MIPEP: variants seen among roughly 807,000 people sequenced by gnomAD.
MIPEP encodes mitochondrial intermediate peptidase.
In MIPEP, 79 loss-of-function variants were observed where a neutral mutation model predicts 90.3. That is an observed-to-expected ratio of 0.87 (90% confidence interval 0.73 to 1.05). The LOEUF is 1.05. Ranked by LOEUF, MIPEP falls within the 50% of genes least tolerant of loss-of-function variation. The pLI is 0.00. For synonymous variants in MIPEP, 334 were observed against 315.8 expected (o/e 1.06, Z -0.61); for missense variants, 940 against 905.6 (o/e 1.04, Z -0.49).
chr13:23,879,479 A>G, intron 3 of MIPEP, 125 bp from the exon 4 acceptor site: 2 of 604,084 alleles, frequency 3.3e-6, no homozygotes, highest in South Asian at 4.1e-5. Context: ...ATAACCTACC[A>G]GGAACAGTGT....
rs758814905 is a variant in MIPEP, at chr13:23,870,081, G to T, written c.718C>A (p.Arg240Ser). Residue 240 changes from arginine to serine, a missense_variant, in exon 6 of 19, where the codon CGT (arginine) becomes AGT (serine). Physicochemically the swap from Arg to Ser is moderately radical, Grantham distance 110. Coordinates refer to ENST00000382172, the MANE Select transcript of MIPEP (RefSeq NM_005932.4). ...TGATCCCCAGCAGATGTAAAGTTAC[G>T]ACGAATGTGTTCTGGTAAGAGATGC... is the stretch of plus-strand genomic sequence containing the variant. ...EKHLLPEHIR[R>S]NFTSAGDHII... 6.2e-7 allele frequency: 1 copy of T among 1,612,814 alleles called. No individual in the cohort carries two copies. The highest frequency in any genetic ancestry group is 1.7e-5 in the Admixed American group (1 of 59,840).
At chr13:23,808,456 C>T (rs1002791750) in intron 15 of MIPEP, among the ~76,000 whole-genome samples, 6 of 152,138 alleles carry the variant, frequency 3.9e-5, no homozygotes, top group Admixed American at 6.6e-5. Flanking sequence ...CCTTTCCACC[C>T]GTGTTCATCT....
chr13:23,801,887 A>T (rs188550866), intron 16 of MIPEP, among the ~76,000 whole-genome samples: 1 of 152,204 alleles, frequency 6.6e-6, no homozygotes, highest in East Asian at 1.9e-4. Context: ...ACTTACAACA[A>T]GTGCTGTTAT....
intron 10 of MIPEP, among the ~76,000 whole-genome samples, chr13:23,858,470 CAAAAAAAA>C (rs1178186750): frequency 4.1e-5 from 2 of 48,944 alleles, no homozygotes; most frequent in Non-Finnish European, 8.5e-5. Context: ...GACTCCGCCT[CAAAAAAAA>C]AAAAAAAAAA....
In MIPEP at chr13:23,841,397, TC is replaced by T. The variant is rs1432874692; in HGVS notation, c.1197del (p.Ile400PhefsTer58). 1 of 1,614,000 alleles carries T rather than the reference TC, an allele frequency of 6.2e-7. No homozygotes were observed. Among genetic ancestry groups the T allele is most frequent in the South Asian group, 1.1e-5 (1 of 91,048 alleles). On this transcript the variant is annotated frameshift_variant, in exon 11 of 19. Transcript: ENST00000382172. LOFTEE classifies it high-confidence loss of function. Reference sequence around the variant, plus strand: ...GCAGGCTGCTCTGCATATAATGAAATCCCCAACAGTCTGTTAAGCAAAATAT... The same window carrying T: ...GCAGGCTGCTCTGCATATAATGAAATCCCAACAGTCTGTTAAGCAAAATAT... ...GLNILLNRLL[G>X]ISLYAEQPAK...
intron 14 of MIPEP, among the ~76,000 whole-genome samples, chr13:23,818,119 A>C (rs1046254082): frequency 6.7e-6 from 1 of 149,882 alleles, no homozygotes; most frequent in East Asian, 1.9e-4. Context: ...TGGACAAATT[A>C]AATTTAACAG....
chr13:23,855,923 C>G lies in MIPEP; in HGVS notation c.1106+2937G>C, dbSNP rs1044042161. On this transcript the variant is annotated intron_variant, in intron 10 of 18. Transcript: ENST00000382172. Reference sequence around the variant, plus strand: ...CAAGCAGGTGGAAGACTCCATCAACCAGTGAGCACTGCAAACATGTCATGC... The same window carrying G: ...CAAGCAGGTGGAAGACTCCATCAACGAGTGAGCACTGCAAACATGTCATGC... 3.2e-4 allele frequency among the ~76,000 whole-genome samples: 48 copies of G among 152,326 alleles called. 2 individuals carry two copies. The highest frequency in any genetic ancestry group is 2.7e-3 in the Admixed American group (42 of 15,296).
chr13:23,831,746 T>G (rs754242681), intron 14 of MIPEP, among the ~76,000 whole-genome samples: 6 of 152,060 alleles, frequency 3.9e-5, no homozygotes, highest in Non-Finnish European at 8.8e-5. Flanking sequence ...CCTAATCACA[T>G]CTCAAATGCA....
At chr13:23,866,946 C>G (rs1870567037) in intron 7 of MIPEP, among the ~76,000 whole-genome samples, 1 of 152,142 alleles carries the variant, frequency 6.6e-6, no homozygotes, top group African/African-American at 2.4e-5. Flanking sequence ...TGTTGGCTCC[C>G]TCTTCCAAAT....
chr13:23,830,177 G>A lies in MIPEP; in HGVS notation c.1653+6063C>T, dbSNP rs149365857. Reference sequence around the variant, plus strand: ...AGCAAAAACCTGGAAGAACCTGTGTGCTCCACGTGTGCTCCATGACAGGAG... The same window carrying A: ...AGCAAAAACCTGGAAGAACCTGTGTACTCCACGTGTGCTCCATGACAGGAG... On this transcript the variant is annotated intron_variant, in intron 14 of 18. Transcript: ENST00000382172. Among the ~76,000 whole-genome samples, 6 of 152,240 alleles carry A rather than the reference G, an allele frequency of 3.9e-5. No individual in the cohort carries two copies. In the East Asian group the frequency reaches 1.2e-3, roughly 29 times the overall value.
chr13:23,780,932 C>T (rs1003444473), intron 16 of MIPEP, among the ~76,000 whole-genome samples: 10 of 152,116 alleles, frequency 6.6e-5, no homozygotes, highest in Non-Finnish European at 1.2e-4. Context: ...TGAACAAAGC[C>T]TCCAAGAAAT....
Position 23,854,126 on chromosome 13 carries a change from T to C in MIPEP, c.1106+4734A>G, listed in dbSNP as rs185973280. On this transcript the variant is annotated intron_variant, in intron 10 of 18. Coordinates refer to ENST00000382172, the MANE Select transcript of MIPEP (RefSeq NM_005932.4). Reference sequence around the variant, plus strand: ...GGATCACAAGTTCAGCAGATCGAGATCATCCTGGCTAACACGGTGAAACCT... The same window carrying C: ...GGATCACAAGTTCAGCAGATCGAGACCATCCTGGCTAACACGGTGAAACCT... Among the ~76,000 whole-genome samples the C allele has an allele frequency of 3.6e-3, 543 of 149,716 alleles. 4 individuals are homozygous for C. Among genetic ancestry groups the C allele is most frequent in the East Asian group, 9.1e-3 (45 of 4,956 alleles).
chr13:23,887,093 G>T (rs1384766294), intron 1 of MIPEP, among the ~76,000 whole-genome samples: 2 of 152,104 alleles, frequency 1.3e-5, no homozygotes, highest in Non-Finnish European at 2.9e-5. Flanking sequence ...TATCAAATAG[G>T]GAGGATGAGT....
intron 10 of MIPEP, among the ~76,000 whole-genome samples, chr13:23,852,197 G>A (rs1593191141): frequency 6.6e-6 from 1 of 152,144 alleles, no homozygotes; most frequent in East Asian, 1.9e-4. Context: ...CTTTGTTGGA[G>A]TCCTAATTCT....
At chr13:23,879,429 T>C in intron 3 of MIPEP, 75 bp from the exon 4 acceptor site, 1 of 795,412 alleles carries the variant, frequency 1.3e-6, no homozygotes, top group Non-Finnish European at 2.1e-6. Context: ...AAAAGAATGG[T>C]GTCAGCTTGT....
intron 16 of MIPEP, among the ~76,000 whole-genome samples, chr13:23,779,663 G>A (rs1013205639): frequency 1.3e-5 from 2 of 152,032 alleles, no homozygotes; most frequent in East Asian, 1.9e-4. Flanking sequence ...GTGAGGCATC[G>A]CCTCACCCAG....
chr13:23,837,825 T>G, intron 12 of MIPEP, 69 bp from the exon 13 acceptor site: 1 of 1,257,474 alleles, frequency 8.0e-7, no homozygotes, highest in East Asian at 2.4e-5. Context: ...ACAGTCTTAA[T>G]GAATATAAAA....
At chr13:23,832,191 C>G (rs2137446963) in intron 14 of MIPEP, among the ~76,000 whole-genome samples, 1 of 152,088 alleles carries the variant, frequency 6.6e-6, no homozygotes, top group East Asian at 1.9e-4. Context: ...GGACTGCTGG[C>G]TTTATAAGAA....
At chr13:23,814,635 C>T (rs1442822559) in intron 14 of MIPEP, among the ~76,000 whole-genome samples, 1 of 152,166 alleles carries the variant, frequency 6.6e-6, no homozygotes, top group East Asian at 1.9e-4. Flanking sequence ...TTTATATTAG[C>T]TAATTATGGT....
Sources: gnomAD v4.1 joint callset for allele counts (sites outside exome capture counted in the v4.1 genomes callset) on GRCh38, gnomAD v4.1.1 for gene constraint, MANE v1.5 for transcripts, NCBI Gene and HGNC (gene_info 2026-07-23, HGNC 2026-07-21) for gene names.